CTNNA3: variants seen among roughly 807,000 people sequenced by gnomAD.
CTNNA3 encodes the protein catenin alpha 3.
CTNNA3 carries 76 observed loss-of-function variants against 95.7 expected under a neutral mutation model. That is an observed-to-expected ratio of 0.79 (90% CI 0.66 to 0.96). The LOEUF (loss-of-function observed/expected upper bound fraction) is 0.96, where lower values mean the gene tolerates loss of function less well. Among genes scored for constraint, CTNNA3 ranks in the 40% least tolerant of loss-of-function variants. CTNNA3 has a pLI of 0.00. For missense variants in CTNNA3, 1,191 were observed against 1,089.8 expected (o/e 1.09, Z -1.31); for synonymous variants, 431 against 374.4 (o/e 1.15, Z -1.74).
rs181254870 is a variant in CTNNA3 at position 66,584,464 on chromosome 10, T to C, written c.1374+37228A>G. Among the ~76,000 whole-genome samples, 213 of 152,142 alleles carry C rather than the reference T, an allele frequency of 1.4e-3. 1 individual carries two copies. Among genetic ancestry groups the C allele is most frequent in the African/African-American group, 4.8e-3 (201 of 41,554 alleles). On this transcript the variant is annotated intron_variant, in intron 10 of 17. Transcript: ENST00000433211. ...CTTTGTCCTTTTTTAATATTGTTGC[T>C]CTAAAGTCTATTTTATTTGTTTTAA...
intron 5 of CTNNA3, among the ~76,000 whole-genome samples, chr10:67,450,313 T>C (rs1186538236): frequency 6.6e-6 from 1 of 152,192 alleles, no homozygotes; most frequent in Non-Finnish European, 1.5e-5. Context: ...CCCAGATTAA[T>C]ATAAATCATT....
chr10:66,781,688 G>A (rs4642968), intron 7 of CTNNA3, among the ~76,000 whole-genome samples: 103,572 of 152,092 alleles, frequency 0.68, 35,797 homozygotes, highest in East Asian at 1. Context: ...CAAATGTCTT[G>A]AACTTTTGTA....
At chr10:66,499,444 A>G (rs1030343476) in intron 11 of CTNNA3, among the ~76,000 whole-genome samples, 1 of 152,142 alleles carries the variant, frequency 6.6e-6, no homozygotes, top group Non-Finnish European at 1.5e-5. Context: ...TGATCTAAAC[A>G]TGGCATCCAT....
At chr10:67,049,005 T>C (rs888545305) in intron 7 of CTNNA3, among the ~76,000 whole-genome samples, 1 of 145,864 alleles carries the variant, frequency 6.9e-6, no homozygotes, top group South Asian at 2.2e-4. Flanking sequence ...AGTTATTTTA[T>C]AGCAAAAATT....
At chr10:66,669,389 C>G (rs1229113741) in intron 9 of CTNNA3, among the ~76,000 whole-genome samples, 1 of 151,670 alleles carries the variant, frequency 6.6e-6, no homozygotes, top group African/African-American at 2.4e-5. Flanking sequence ...ACTAAAAATA[C>G]AAAATTAGCC....
At chr10:66,978,009 C>T (rs1292184464) in intron 7 of CTNNA3, among the ~76,000 whole-genome samples, 1 of 151,504 alleles carries the variant, frequency 6.6e-6, no homozygotes, top group Non-Finnish European at 1.5e-5. Flanking sequence ...ATATAGAAAT[C>T]CATACTTTAG....
chr10:66,383,747 C>G (rs1467575983), intron 11 of CTNNA3, among the ~76,000 whole-genome samples: 2 of 152,210 alleles, frequency 1.3e-5, no homozygotes, highest in Non-Finnish European at 2.9e-5. Context: ...CAGCAGATCT[C>G]TTGGCAGAAA....
intron 15 of CTNNA3, among the ~76,000 whole-genome samples, chr10:66,046,452 T>C (rs2105701): frequency 0.19 from 28,281 of 152,120 alleles, 3,009 homozygotes; most frequent in Middle Eastern, 0.26. Context: ...CCAGAATCTC[T>C]GAGACACAGC....
chr10:67,743,146 A>T (rs1157793473), intron 1 of CTNNA3, among the ~76,000 whole-genome samples: 3 of 151,298 alleles, frequency 2.0e-5, no homozygotes, highest in African/African-American at 7.3e-5. Context: ...TCCCTAACTC[A>T]TTTTATGAGG....
At chr10:67,725,365 A>C (rs1455053760) in intron 1 of CTNNA3, among the ~76,000 whole-genome samples, 1 of 151,934 alleles carries the variant, frequency 6.6e-6, no homozygotes, top group African/African-American at 2.4e-5. Flanking sequence ...TTTTTAGTAG[A>C]GACAGGGTTT....
intron 15 of CTNNA3, among the ~76,000 whole-genome samples, chr10:66,035,911 T>C (rs919815982): frequency 2.0e-5 from 3 of 152,154 alleles, no homozygotes; most frequent in African/African-American, 7.2e-5. Context: ...TATAAATTTA[T>C]GAGGTATCAA....
chr10:66,698,630 A>G (rs1386292704), intron 9 of CTNNA3, among the ~76,000 whole-genome samples: 2 of 152,184 alleles, frequency 1.3e-5, no homozygotes, highest in African/African-American at 4.8e-5. Flanking sequence ...GAAATGCAAA[A>G]AATAGTTCAC....
rs115298145 is a variant in CTNNA3 at position 66,516,476 on chromosome 10, T to A, written c.1531+4141A>T. Among the ~76,000 whole-genome samples the A allele has an allele frequency of 1.3e-5, 2 of 152,296 alleles. 1 individual carries two copies. Among genetic ancestry groups the A allele is most frequent in the African/African-American group, 4.8e-5 (2 of 41,564 alleles). On this transcript the variant is annotated intron_variant, in intron 11 of 17. Coordinates refer to ENST00000433211, the MANE Select transcript of CTNNA3 (RefSeq NM_013266.4). Reference sequence around the variant, plus strand: ...GGCTGGTCTAAGCCTAGTGTTCAATTAGAACCTGTTTATTCCAGCTCACAA... The same window carrying A: ...GGCTGGTCTAAGCCTAGTGTTCAATAAGAACCTGTTTATTCCAGCTCACAA...
intron 5 of CTNNA3, among the ~76,000 whole-genome samples, chr10:67,339,650 G>A (rs112805650): frequency 6.7e-6 from 1 of 149,966 alleles, no homozygotes; most frequent in Non-Finnish European, 1.5e-5. Context: ...AACATGTTCT[G>A]ATATATTATG....
At chr10:66,021,447 G>A (rs755722799) in intron 15 of CTNNA3, among the ~76,000 whole-genome samples, 1 of 151,178 alleles carries the variant, frequency 6.6e-6, no homozygotes, top group Non-Finnish European at 1.5e-5. Flanking sequence ...TATTGCTGTC[G>A]GTACTTATAA....
At position 66,885,352 on chromosome 10, in the gene CTNNA3, A is replaced by G. The variant is rs1845004493; in HGVS notation, c.1048-109828T>C. ...TGGACTGTATTAATGTGAGGCTAAG[A>G]GTTATATGTAATATCCCTTTGCCTA... On this transcript the variant is annotated intron_variant, in intron 7 of 17. Transcript: ENST00000433211. 1.3e-5 allele frequency among the ~76,000 whole-genome samples: 2 copies of G among 152,180 alleles called. 1 individual carries two copies. Among genetic ancestry groups the G allele is most frequent in the Admixed American group, 1.3e-4 (2 of 15,264 alleles).
chr10:66,732,778 C>T lies in CTNNA3; in HGVS notation c.1281+33486G>A, dbSNP rs191412273. Among the ~76,000 whole-genome samples the T allele has an allele frequency of 7.3e-3, 1,113 of 151,940 alleles. 16 individuals carry two copies. The highest frequency in any genetic ancestry group is 7.7e-3 in the East Asian group (40 of 5,162). On this transcript the variant is annotated intron_variant, in intron 9 of 17. Transcript: ENST00000433211. ...GTGGGGACACAGCCAAACATTATCC[C>T]CTAAACAAAGTCATACCTTTTCTTT... is the stretch of plus-strand genomic sequence containing the variant.
At chr10:66,354,837 G>A (rs2092596678) in intron 12 of CTNNA3, among the ~76,000 whole-genome samples, 1 of 152,074 alleles carries the variant, frequency 6.6e-6, no homozygotes, top group South Asian at 2.1e-4. Context: ...CCAGCATAGT[G>A]CCTGATGCAT....
chr10:66,090,138 A>G (rs2081159490), intron 14 of CTNNA3, among the ~76,000 whole-genome samples: 1 of 151,998 alleles, frequency 6.6e-6, no homozygotes, highest in Non-Finnish European at 1.5e-5. Flanking sequence ...TTGAAACTGG[A>G]CCAGGGTAGG....
Sources: allele counts gnomAD v4.1 joint callset (sites outside exome capture counted in the v4.1 genomes callset), GRCh38; gene constraint gnomAD v4.1.1; transcripts MANE v1.5; gene names NCBI Gene and HGNC (gene_info 2026-07-23, HGNC 2026-07-21).